HSD17B13: variants seen among roughly 807,000 people sequenced by gnomAD.
HSD17B13 encodes the protein hydroxysteroid 17-beta dehydrogenase 13, also known as 17-beta-hydroxysteroid dehydrogenase 13.
Under a neutral mutation model 31.1 loss-of-function variants are expected in HSD17B13, and 26 were observed. The observed-to-expected ratio is 0.84, with a 90% CI of 0.61 to 1.16. The LOEUF (loss-of-function observed/expected upper bound fraction) is 1.16. Ranked by LOEUF, HSD17B13 falls within the 50% of genes most tolerant of loss-of-function variation. HSD17B13 has a pLI of 0.00. For synonymous variants in HSD17B13, 141 were observed against 133.7 expected (o/e 1.05, Z -0.38); for missense variants, 374 against 366.5 (o/e 1.02, Z -0.17).
chr4:87,311,737 G>A (rs1489465651), intron 5 of HSD17B13, among the ~76,000 whole-genome samples: 3 of 152,216 alleles, frequency 2.0e-5, no homozygotes, highest in African/African-American at 7.2e-5. Context: ...TAGGGAGCCA[G>A]CGAATGTTAA....
intron 3 of HSD17B13, 78 bp downstream of exon 3, chr4:87,317,014 G>A: frequency 1.4e-6 from 2 of 1,428,960 alleles, no homozygotes; most frequent in South Asian, 1.2e-5. Context: ...CTGTCCAGAA[G>A]TATGTGAACT....
At chr4:87,318,797 CA>C (rs1158406945) in intron 1 of HSD17B13, among the ~76,000 whole-genome samples, 7,804 of 83,490 alleles carry the variant, frequency 0.093, 400 homozygotes, top group African/African-American at 0.23. Context: ...GACTCTGTCT[CA>C]AAAAAAAAAA....
rs1734587247 is a variant in HSD17B13 at position 87,313,806 on chromosome 4, C to G, written c.695+17G>C. On this transcript the variant is annotated intron_variant, in intron 5 of 6. Transcript: ENST00000328546. The stretch of plus-strand genomic sequence containing the variant: ...TTATCATACCACATACCCATTCTAA[C>G]TTGATTTTGACCTTACCTTGTGCTT... 1.2e-6 allele frequency: 2 copies of G among 1,607,328 alleles called. No homozygotes were observed. Among genetic ancestry groups the G allele is most frequent in the Non-Finnish European group, 1.7e-6 (2 of 1,176,106 alleles).
chr4:87,306,823 C>T (rs1457504075), intron 6 of HSD17B13, among the ~76,000 whole-genome samples: 1 of 139,254 alleles, frequency 7.2e-6, no homozygotes, highest in Non-Finnish European at 1.5e-5. Flanking sequence ...AGGAGAATTG[C>T]TTGAACTCAG....
intron 6 of HSD17B13, 85 bp downstream of exon 6, chr4:87,310,158 A>T (rs1734494690): frequency 6.3e-6 from 9 of 1,435,954 alleles, no homozygotes; most frequent in Non-Finnish European, 8.2e-6. Context: ...AGGGTGACAG[A>T]GTGAGACTCT....
At position 87,310,273 on chromosome 4, in the gene HSD17B13, G is replaced by A. The variant is rs1312051154; in HGVS notation, c.782C>T (p.Ser261Leu). ...LTNKKMIFVP[S>L]YINIFLRLQK... ...TAGTCTCAGAAAGATATTGATATAC[G>A]ATGGAACAAAAATCATTTTCTTATT... Residue 261 changes from serine (S) to leucine (L), a missense_variant, in exon 6 of 7, where the codon TCG becomes TTG. Ser to Leu is a moderately radical substitution (Grantham distance 145). Coordinates refer to ENST00000328546, the MANE Select transcript of HSD17B13 (RefSeq NM_178135.5). 15 of 1,576,126 alleles carry A rather than the reference G, an allele frequency of 9.5e-6. No individual in the cohort carries two copies. The highest frequency in any genetic ancestry group is 5.9e-5 in the Admixed American group (3 of 51,242).
intron 5 of HSD17B13, among the ~76,000 whole-genome samples, chr4:87,311,230 C>G (rs1410262158): frequency 6.6e-6 from 1 of 152,154 alleles, no homozygotes. Context: ...TAATCCACCC[C>G]TTGTTTAGCA....
Position 87,305,314 on chromosome 4 carries a change from CA to C in HSD17B13, c.813-7del, listed in dbSNP as rs1734365919. The stretch of plus-strand genomic sequence containing the variant: ...AGGCGCGTTCAGGAAGAAACCTGTA[CA>C]AAAAAGAAAAAAAAATTGAAAAATT... On this transcript the variant is annotated splice_region_variant and splice_polypyrimidine_tract_variant and intron_variant, in intron 6 of 6. Transcript: ENST00000328546. 3 of 1,561,564 alleles carry C rather than the reference CA, an allele frequency of 1.9e-6. No individual in the cohort carries two copies. The highest frequency in any genetic ancestry group is 1.2e-5 in the South Asian group (1 of 82,396).
chr4:87,313,918 T>C lies in HSD17B13; in HGVS notation c.600A>G (p.Thr200=). The C allele has an allele frequency of 6.2e-7, 1 of 1,601,224 alleles. No homozygotes were observed. Among genetic ancestry groups the C allele is most frequent in the Non-Finnish European group, 8.5e-7 (1 of 1,175,750 alleles). The change falls in exon 5 of 7, where the codon ACA becomes ACG. Residue 200 remains threonine (T), a synonymous_variant. Transcript: ENST00000328546. ...TTTTTCCCAAGGCCTGAAGTTCTGA[T>C]GTCAGACCTCTGTGAAAGCCAACAG... is the stretch of plus-strand genomic sequence containing the variant. ...FAAVGFHRGL[T]SELQALGKTG...
At chr4:87,309,024 T>C (rs1361513303) in intron 6 of HSD17B13, among the ~76,000 whole-genome samples, 33 of 150,702 alleles carry the variant, frequency 2.2e-4, no homozygotes, top group Admixed American at 2.2e-3. Context: ...AAATCCAATA[T>C]ATACTGACAA....
At chr4:87,318,544 A>G (rs1279960885) in intron 1 of HSD17B13, 108 bp from the exon 2 acceptor site, 14 of 833,772 alleles carry the variant, frequency 1.7e-5, no homozygotes, top group Non-Finnish European at 2.2e-5. Context: ...TCACGCCTGT[A>G]ATCCCAGCAC....
intron 6 of HSD17B13, among the ~76,000 whole-genome samples, chr4:87,306,073 G>A (rs1257980181): frequency 6.6e-6 from 1 of 152,170 alleles, no homozygotes; most frequent in African/African-American, 2.4e-5. Context: ...TCTCCAAGGA[G>A]TGCATCTTAA....
chr4:87,317,566 T>TTTTTTTTTTTTTA (rs1734682660), intron 2 of HSD17B13, among the ~76,000 whole-genome samples: 1 of 112,018 alleles, frequency 8.9e-6, no homozygotes, highest in Non-Finnish European at 1.8e-5. Flanking sequence ...CTTTAAACTT[T>TTTTTTTTTTTTTA]TTTTTTTTTT....
In HSD17B13 at chr4:87,315,548, C is replaced by T. The variant is rs373819787; in HGVS notation, c.502G>A (p.Val168Ile). The change falls in exon 4 of 7, where the codon GTC becomes ATC. Residue 168 changes from valine (V) to isoleucine (I), a missense_variant. Coordinates refer to ENST00000328546, the MANE Select transcript of HSD17B13 (RefSeq NM_178135.5). ...SMMERNHGHIVTVASVCGHEG... is the reference protein window; with the variant it reads ...SMMERNHGHIITVASVCGHEG... The stretch of plus-strand genomic sequence containing the variant: ...TGGCCGCACACTGAAGCCACTGTGA[C>T]GATGTGGCCATGATTTCTCTCCATC... The T allele has an allele frequency of 3.2e-5, 52 of 1,611,640 alleles. No homozygotes were observed. Among genetic ancestry groups the T allele is most frequent in the East Asian group, 4.5e-5 (2 of 44,842 alleles).
intron 6 of HSD17B13, among the ~76,000 whole-genome samples, chr4:87,308,158 G>T (rs1734434311): frequency 6.6e-6 from 1 of 152,134 alleles, no homozygotes; most frequent in Non-Finnish European, 1.5e-5. Flanking sequence ...TTCAGTGACA[G>T]GGGCTTTGTT....
At chr4:87,314,641 T>TCTCTCTCACACACACACA (rs373166006) in intron 4 of HSD17B13, among the ~76,000 whole-genome samples, 6 of 142,140 alleles carry the variant, frequency 4.2e-5, no homozygotes, top group African/African-American at 1.3e-4. Context: ...TCTCTCTCTC[T>TCTCTCTCACACACACACA]CACACACACA....
rs1354192357 is a variant in HSD17B13, at chr4:87,317,221, C to T, written c.321G>A (p.Val107=). ...REEIYRSLNQ[V]KKEVGDVTIV... is the part of the protein sequence containing the mutation. ...TTGTTACATCACCCACTTCTTTCTT[C>T]ACCTTTTGAAATTGAAAGAACACTT... The change falls in exon 3 of 7, where the codon GTG becomes GTA. Residue 107 remains valine, a splice_region_variant and synonymous_variant. Transcript: ENST00000328546. 1 of 1,613,880 alleles carries T rather than the reference C, an allele frequency of 6.2e-7. No individual in the cohort carries two copies. The highest frequency in any genetic ancestry group is 1.3e-5 in the African/African-American group (1 of 74,946).
chr4:87,306,187 A>C (rs901841372), intron 6 of HSD17B13, among the ~76,000 whole-genome samples: 1 of 152,152 alleles, frequency 6.6e-6, no homozygotes, highest in East Asian at 1.9e-4. Context: ...ATTGGATGCA[A>C]ATATAAATAA....
Position 87,313,980 on chromosome 4 carries a change from C to T in HSD17B13, c.558-20G>A. On this transcript the variant is annotated intron_variant, in intron 4 of 6. Transcript: ENST00000328546. ...CTGGAACTGTAAGAGAATTATTAAG[C>T]ATTGTTAGCTAAGGGAGAGTGAAAC... 6.6e-7 allele frequency: 1 copy of T among 1,516,242 alleles called. No individual in the cohort carries two copies. The highest frequency in any genetic ancestry group is 1.4e-5 in the African/African-American group (1 of 70,596). 93.9% of individuals were successfully genotyped at this position (1,516,242 alleles called of 1,614,324 possible).
Sources: allele counts gnomAD v4.1 joint callset (sites outside exome capture counted in the v4.1 genomes callset), GRCh38; gene constraint gnomAD v4.1.1; transcripts MANE v1.5; gene names NCBI Gene and HGNC (gene_info 2026-07-23, HGNC 2026-07-21).